LRRC56: variants seen among roughly 807,000 people sequenced by gnomAD.
The protein encoded by LRRC56 is leucine-rich repeat-containing protein 56.
A neutral mutation model predicts 47.8 loss-of-function variants in LRRC56; 41 were observed. That is an observed-to-expected ratio of 0.86 (90% CI 0.67 to 1.11). LRRC56 has a LOEUF of 1.11. Among genes scored for constraint, LRRC56 ranks in the 50% most tolerant of loss-of-function variants. The pLI, the probability that LRRC56 is intolerant of heterozygous loss-of-function variation, is 0.00. For synonymous variants in LRRC56, 387 were observed against 311.2 expected (o/e 1.24, Z -2.56); for missense variants, 759 against 704.2 (o/e 1.08, Z -0.88).
At chr11:548,366 G>A (rs933583518) in intron 6 of LRRC56, among the ~76,000 whole-genome samples, 7 of 151,682 alleles carry the variant, frequency 4.6e-5, no homozygotes, top group Non-Finnish European at 7.4e-5. Context: ...CAATAGCCTC[G>A]ACCTCCTGGG....
chr11:533,491 C>T (rs397517142), upstream of LRRC56: 24 of 1,613,594 alleles, frequency 1.5e-5, no homozygotes, highest in East Asian at 6.7e-5. Flanking sequence ...TAGGGGATGC[C>T]GTAGCTTCGG....
At chr11:507,482 G>A in the LRRC56 span, among the ~76,000 whole-genome samples, 1 of 151,904 alleles carries the variant, frequency 6.6e-6, no homozygotes, top group Admixed American at 6.6e-5. Context: ...GGCGGGGTCT[G>A]GCGGGCGCGG....
rs1282995514 is a variant in LRRC56 at position 554,309 on chromosome 11, G to C, written c.*33G>C. The C allele has an allele frequency of 6.2e-6, 9 of 1,463,166 alleles. No individual in the cohort carries two copies. The highest frequency in any genetic ancestry group is 8.1e-6 in the Non-Finnish European group (9 of 1,110,400). The allele number at this position is 1,463,166 out of a possible 1,614,324, so 90.6% of individuals were successfully genotyped here. On this transcript the variant is annotated 3_prime_UTR_variant, in exon 14 of 14. Transcript: ENST00000270115. ...CCCACTGCCAGGCTTCCCTGTGCTGGGGCCACGACTTGCCCACATATGTGG... is the reference window on the plus strand; with the variant it reads ...CCCACTGCCAGGCTTCCCTGTGCTGCGGCCACGACTTGCCCACATATGTGG...
the LRRC56 span, among the ~76,000 whole-genome samples, chr11:510,148 A>G: frequency 2.8e-3 from 426 of 152,214 alleles, 1 homozygote; most frequent in Admixed American, 7.9e-3. Flanking sequence ...TACATTCCCC[A>G]TGAAAGGGAA....
intron 13 of LRRC56, 28 bp downstream of exon 13, chr11:552,730 G>C: frequency 6.4e-7 from 1 of 1,570,070 alleles, no homozygotes; most frequent in Non-Finnish European, 8.6e-7. Context: ...CTGCCCCCCA[G>C]TGCCTGGGAG....
At chr11:544,033 C>T (rs561239639) in intron 5 of LRRC56, among the ~76,000 whole-genome samples, 3 of 152,358 alleles carry the variant, frequency 2.0e-5, no homozygotes, top group Non-Finnish European at 4.4e-5. Context: ...CAGGCGTGAG[C>T]CACCGCACCC....
Position 552,589 on chromosome 11 carries a change from C to G in LRRC56, c.1202C>G (p.Pro401Arg), listed in dbSNP as rs372006680. ...CCTAGCCCCCTCCCCTATAGGCACC[C>G]GGAGTCCCAACAGGAAGGGGCTGTA... Reference protein sequence around the residue: ...HGVRPLPYRHPESQQEGAVAP... With the variant: ...HGVRPLPYRHRESQQEGAVAP... The change falls in exon 13 of 14, where the codon CCG becomes CGG. Residue 401 changes from proline (P) to arginine (R), a missense_variant. Physicochemically the swap from Pro to Arg is moderately radical, Grantham distance 103. Transcript: ENST00000270115. The G allele has an allele frequency of 1.2e-6, 2 of 1,607,116 alleles. No individual in the cohort carries two copies. Among genetic ancestry groups the G allele is most frequent in the Non-Finnish European group, 1.7e-6 (2 of 1,177,320 alleles).
At chr11:536,412 C>G (rs899499234), upstream of LRRC56, among the ~76,000 whole-genome samples, 25 of 152,224 alleles carry the variant, frequency 1.6e-4, no homozygotes, top group Non-Finnish European at 3.2e-4. Context: ...CTCTTTCAAA[C>G]CCAAAAAGAC....
Position 551,674 on chromosome 11 carries a change from C to A in LRRC56, c.820C>A (p.Arg274=). ...PLDCPRGAPI[R]RLDPELSLPE... ...AGACTGTCCCCGTGGAGCCCCCATC[C>A]GGAGACTTGACCCCGAGCTGTCCCT... Residue 274 remains arginine (R), a synonymous_variant, in exon 10 of 14, where the codon CGG becomes AGG. Coordinates refer to ENST00000270115, the MANE Select transcript of LRRC56 (RefSeq NM_198075.4). 6.3e-7 allele frequency: 1 copy of A among 1,589,392 alleles called. No homozygotes were observed. Among genetic ancestry groups the A allele is most frequent in the South Asian group, 1.1e-5 (1 of 88,068 alleles).
chr11:529,950 C>T, the LRRC56 span, among the ~76,000 whole-genome samples: 2 of 152,160 alleles, frequency 1.3e-5, no homozygotes, highest in Non-Finnish European at 2.9e-5. Flanking sequence ...AGGGGGCTTC[C>T]GTGGAGCCCA....
chr11:537,820 G>A (rs904214068), intron 1 of LRRC56, among the ~76,000 whole-genome samples: 2 of 152,220 alleles, frequency 1.3e-5, no homozygotes, highest in Admixed American at 1.3e-4. Context: ...TCAGGAGACA[G>A]GAGGGGCCCC....
chr11:553,468 G>A (rs978564157), intron 13 of LRRC56, among the ~76,000 whole-genome samples: 5 of 152,256 alleles, frequency 3.3e-5, no homozygotes, highest in South Asian at 2.1e-4. Context: ...CCTAGTGGCC[G>A]TGACCTGCAG....
intron 8 of LRRC56, 94 bp downstream of exon 8, chr11:550,366 T>C (rs913551043): frequency 9.1e-6 from 11 of 1,202,594 alleles, no homozygotes; most frequent in Middle Eastern, 5.7e-4. Flanking sequence ...CAGGTACTTC[T>C]GTGCCCACCC....
chr11:532,601 C>G (rs753270499), upstream of LRRC56: 2 of 1,598,476 alleles, frequency 1.3e-6, no homozygotes, highest in Non-Finnish European at 1.7e-6. Context: ...ATCCGGTGGG[C>G]GTGGCGGCCG....
At chr11:531,608 C>T in the LRRC56 span, among the ~76,000 whole-genome samples, 3 of 152,064 alleles carry the variant, frequency 2.0e-5, no homozygotes, top group East Asian at 3.9e-4. Flanking sequence ...AGGGCAGGGG[C>T]GGGGGAGAGT....
In LRRC56 at chr11:550,135, G is replaced by T; in HGVS notation, c.487G>T (p.Glu163Ter). 6.2e-7 allele frequency: 1 copy of T among 1,613,568 alleles called. No individual in the cohort carries two copies. Among genetic ancestry groups the T allele is most frequent in the African/African-American group, 1.3e-5 (1 of 75,046 alleles). Residue 163 changes from glutamate to a stop codon, truncating the protein, a stop_gained, in exon 8 of 14, where the codon GAG becomes TAG. Transcript: ENST00000270115. LOFTEE classifies it high-confidence loss of function. ...CCCACTGTGCCTGCTGGAACAATTG[G>T]AGGTGCTGGACCTGGAGGGCAACAG... ...LSPLCLLEQL[E>*]VLDLEGNSVE... is the part of the protein sequence containing the mutation.
upstream of LRRC56, chr11:532,803 G>A (rs45607337): frequency 2.5e-3 from 3,888 of 1,584,570 alleles, 86 homozygotes; most frequent in African/African-American, 0.046. Flanking sequence ...GTGGCCGCCT[G>A]CCTGGGTGAG....
chr11:547,240 G>T (rs773203367), intron 6 of LRRC56, among the ~76,000 whole-genome samples: 7 of 151,208 alleles, frequency 4.6e-5, no homozygotes, highest in Non-Finnish European at 1.0e-4. Flanking sequence ...TCAAAAAACC[G>T]TAAAAAACAA....
the LRRC56 span, among the ~76,000 whole-genome samples, chr11:526,298 G>A: frequency 6.6e-6 from 1 of 152,198 alleles, no homozygotes; most frequent in Non-Finnish European, 1.5e-5. Context: ...ACAGCGCTAA[G>A]GAGACGTCCA....
Sources: gnomAD v4.1 joint callset for allele counts (sites outside exome capture counted in the v4.1 genomes callset) on GRCh38, gnomAD v4.1.1 for gene constraint, MANE v1.5 for transcripts, NCBI Gene and HGNC (gene_info 2026-07-23, HGNC 2026-07-21) for gene names.